Variants in CD226 observed in about 807,000 individuals in gnomAD.
The protein encoded by CD226 is CD226 antigen.
A neutral mutation model predicts 34.9 loss-of-function variants in CD226; 24 were observed. The observed-to-expected ratio is 0.69, with a 90% CI of 0.50 to 0.97. The LOEUF (loss-of-function observed/expected upper bound fraction) is 0.97. Among genes scored for constraint, CD226 ranks in the 50% least tolerant of loss-of-function variants. The pLI is 0.00. For missense variants in CD226, 397 were observed against 412.7 expected, an observed-to-expected ratio of 0.96 and a Z score of 0.33; for synonymous variants, 148 against 147.4, an observed-to-expected ratio of 1.00 and a Z score of -0.03.
In CD226 at chr18:69,853,371, A is replaced by G. The variant is rs922563117; in HGVS notation, c.*10943T>C. 1.1e-4 allele frequency: 17 copies of G among 152,210 alleles called. No individual in the cohort carries two copies. Among genetic ancestry groups the G allele is most frequent in the African/African-American group, 3.6e-4 (15 of 41,466 alleles). The allele number at this position is 152,210 out of a possible 1,614,324, so 9.4% of individuals were successfully genotyped here. A position where few individuals can be genotyped will look rare whatever the true frequency, so the allele number is the denominator to read the frequency against. On this transcript the variant is annotated 3_prime_UTR_variant, in exon 6 of 6. Transcript: ENST00000582621. ...TTGCATAAAAGGCCTCAGGACGTAT[A>G]GACCTTCTGCCCTCTGTTGTGTTCA...
chr18:69,925,445 C>G (rs1329103573), intron 2 of CD226, among the ~76,000 whole-genome samples: 2 of 152,116 alleles, frequency 1.3e-5, no homozygotes, highest in African/African-American at 4.8e-5. Flanking sequence ...GATTTTCAAG[C>G]TCTTTTTTTT....
At chr18:69,872,333 G>A (rs539378166) in intron 4 of CD226, among the ~76,000 whole-genome samples, 1 of 152,244 alleles carries the variant, frequency 6.6e-6, no homozygotes, top group South Asian at 2.1e-4. Flanking sequence ...ATAAGCACAG[G>A]AGAACTAGAA....
Position 69,857,859 on chromosome 18 carries a change from A to G in CD226, c.*6455T>C, listed in dbSNP as rs1382697411. ...ATGATACACAGTATAATTTTGTGGC[A>G]TTTTGATTACAAGTTTTCCATTTAA... is the stretch of plus-strand genomic sequence containing the variant. On this transcript the variant is annotated 3_prime_UTR_variant, in exon 6 of 6. Coordinates refer to ENST00000582621, the MANE Select transcript of CD226 (RefSeq NM_001303618.2). The G allele has an allele frequency of 1.3e-5, 2 of 152,180 alleles. No homozygotes were observed. The highest frequency in any genetic ancestry group is 4.8e-5 in the African/African-American group (2 of 41,452). 9.4% of individuals were successfully genotyped at this position (152,180 alleles called of 1,614,324 possible).
chr18:69,925,013 A>AT (rs1268763893), intron 2 of CD226, among the ~76,000 whole-genome samples: 1 of 152,240 alleles, frequency 6.6e-6, no homozygotes, highest in Non-Finnish European at 1.5e-5. Context: ...TAAGCAACAT[A>AT]TATTACTTTA....
At chr18:69,931,326 T>C (rs193165387) in intron 2 of CD226, among the ~76,000 whole-genome samples, 77 of 151,938 alleles carry the variant, frequency 5.1e-4, no homozygotes, top group African/African-American at 1.8e-3. Flanking sequence ...GGCACATGTA[T>C]ACATATGTAA....
At chr18:69,918,379 C>A (rs901332846) in intron 2 of CD226, among the ~76,000 whole-genome samples, 1 of 151,992 alleles carries the variant, frequency 6.6e-6, no homozygotes, top group East Asian at 1.9e-4. Context: ...ATCATGAAAC[C>A]CCATCACTAC....
chr18:69,856,051 T>C lies in CD226; in HGVS notation c.*8263A>G, dbSNP rs560276799. The C allele has an allele frequency of 1.3e-5, 2 of 152,280 alleles. No individual in the cohort carries two copies. The highest frequency in any genetic ancestry group is 3.9e-4 in the East Asian group (2 of 5,192). 9.4% of individuals were successfully genotyped at this position (152,280 alleles called of 1,614,324 possible). On this transcript the variant is annotated 3_prime_UTR_variant, in exon 6 of 6. Transcript: ENST00000582621. ...ATTACAAATAGACGCAACTATACAT[T>C]GTCTATAAGAAAGGCACATTAAATA... is the stretch of plus-strand genomic sequence containing the variant.
At chr18:69,950,558 G>A, upstream of CD226, among the ~76,000 whole-genome samples, 1 of 152,148 alleles carries the variant, frequency 6.6e-6, no homozygotes, top group East Asian at 1.9e-4. Context: ...AGTGTGTTCT[G>A]GAATCTGCAG....
At chr18:69,926,616 G>T (rs976103440) in intron 2 of CD226, among the ~76,000 whole-genome samples, 1 of 152,178 alleles carries the variant, frequency 6.6e-6, no homozygotes, top group Non-Finnish European at 1.5e-5. Flanking sequence ...ATGAGTTGAA[G>T]TTTCAGACTC....
At chr18:69,914,988 T>C (rs775493445) in intron 2 of CD226, among the ~76,000 whole-genome samples, 17 of 152,208 alleles carry the variant, frequency 1.1e-4, no homozygotes, top group African/African-American at 1.7e-4. Flanking sequence ...GTTGTTCATT[T>C]TGGAAACAGT....
intron 2 of CD226, among the ~76,000 whole-genome samples, chr18:69,926,454 C>T (rs2055522868): frequency 6.6e-6 from 1 of 152,012 alleles, no homozygotes; most frequent in Non-Finnish European, 1.5e-5. Context: ...TGGCATTATC[C>T]CCATGAGAGC....
chr18:69,871,489 G>T (rs567948045), intron 4 of CD226, among the ~76,000 whole-genome samples: 1 of 152,326 alleles, frequency 6.6e-6, no homozygotes, highest in African/African-American at 2.4e-5. Flanking sequence ...AGAAGGGATG[G>T]CAAGCATGAA....
In CD226 at chr18:69,861,554, G is replaced by GTATATATATACATATATA. The variant is rs1555675811; in HGVS notation, c.*2759_*2760insTATATATGTATATATATA. ...ATAAATTATATGTGTATATATATAT[G>GTATATATATACATATATA]TATATATATATATATATATGTAAAA... On this transcript the variant is annotated 3_prime_UTR_variant, in exon 6 of 6. Coordinates refer to ENST00000582621, the MANE Select transcript of CD226 (RefSeq NM_001303618.2). 7.8e-6 allele frequency: 1 copy of GTATATATATACATATATA among 127,946 alleles called. No individual in the cohort carries two copies. The highest frequency in any genetic ancestry group is 1.7e-5 in the Non-Finnish European group (1 of 60,364). The allele number at this position is 127,946 out of a possible 1,614,324, so 7.9% of individuals were successfully genotyped here.
At chr18:69,901,983 T>C (rs947510474) in intron 2 of CD226, among the ~76,000 whole-genome samples, 3 of 152,152 alleles carry the variant, frequency 2.0e-5, no homozygotes, top group Non-Finnish European at 2.9e-5. Context: ...ACCCAATCTC[T>C]AATCCTAACA....
Position 69,895,726 on chromosome 18 carries a change from G to A in CD226, c.702C>T (p.Phe234=), listed in dbSNP as rs766509590. Residue 234 remains phenylalanine (F), a synonymous_variant, in exon 3 of 6, where the codon TTC becomes TTT. Coordinates refer to ENST00000582621, the MANE Select transcript of CD226 (RefSeq NM_001303618.2). ...LQASAGENET[F]VMRLTVAEGK... is the part of the protein sequence containing the mutation. ...CCTCGGCTACAGTCAATCTCATCAC[G>A]AAGGTTTCGTTTTCTCCTGCGCTGG... 1.9e-5 allele frequency: 31 copies of A among 1,613,470 alleles called. No homozygotes were observed. Among genetic ancestry groups the A allele is most frequent in the Admixed American group, 1.3e-4 (8 of 59,996 alleles).
At chr18:69,945,918 T>C (rs1224583744) in intron 2 of CD226, among the ~76,000 whole-genome samples, 1 of 151,970 alleles carries the variant, frequency 6.6e-6, no homozygotes, top group African/African-American at 2.4e-5. Flanking sequence ...CTCCTCTTTT[T>C]TAAACCATCA....
intron 4 of CD226, among the ~76,000 whole-genome samples, chr18:69,868,133 T>C (rs1007893434): frequency 1.3e-5 from 2 of 152,118 alleles, no homozygotes; most frequent in African/African-American, 4.8e-5. Context: ...AGGGGAATCA[T>C]AGAAGAGAAA....
At chr18:69,922,849 G>A (rs2145313107) in intron 2 of CD226, among the ~76,000 whole-genome samples, 1 of 152,260 alleles carries the variant, frequency 6.6e-6, no homozygotes, top group East Asian at 1.9e-4. Flanking sequence ...TCTCATAACT[G>A]GCCAGGCTTG....
chr18:69,897,851 C>G (rs1037253178), intron 2 of CD226, among the ~76,000 whole-genome samples: 2 of 152,148 alleles, frequency 1.3e-5, no homozygotes, highest in Non-Finnish European at 2.9e-5. Context: ...AGCTTCTCAT[C>G]TTCAGCATGC....
Sources: allele counts gnomAD v4.1 joint callset (sites outside exome capture counted in the v4.1 genomes callset), GRCh38; gene constraint gnomAD v4.1.1; transcripts MANE v1.5; gene names NCBI Gene and HGNC (gene_info 2026-07-23, HGNC 2026-07-21).